Variants in PIK3CD observed in about 807,000 individuals in gnomAD.
The protein encoded by PIK3CD is phosphatidylinositol-4,5-bisphosphate 3-kinase catalytic subunit delta.
A neutral mutation model predicts 122.9 loss-of-function variants in PIK3CD; 20 were observed. That is an observed-to-expected ratio of 0.16 (90% CI 0.11 to 0.24). The LOEUF (loss-of-function observed/expected upper bound fraction) is 0.24, where lower values mean the gene tolerates loss of function less well. Among genes scored for constraint, PIK3CD ranks in the 10% least tolerant of loss-of-function variants. The pLI is 1.00. For missense variants in PIK3CD, 787 were observed against 1,406.3 expected, an observed-to-expected ratio of 0.56 and a Z score of 7.04; for synonymous variants, 596 against 593.4, an observed-to-expected ratio of 1.00 and a Z score of -0.06.
chr1:9,646,051 C>T, the PIK3CD span, among the ~76,000 whole-genome samples: 1 of 151,950 alleles, frequency 6.6e-6, no homozygotes, highest in Non-Finnish European at 1.5e-5. Context: ...GGATTACAGG[C>T]GGGAGCCACC....
At chr1:9,654,443 C>G in intron 1 of PIK3CD, 1 of 1,363,074 alleles carries the variant, frequency 7.3e-7, no homozygotes, top group South Asian at 1.1e-5. Flanking sequence ...GCATCAGCCC[C>G]TGGGGGGCTT....
chr1:9,692,023 G>A (rs1234219919), intron 2 of PIK3CD: 1 of 152,896 alleles, frequency 6.5e-6, no homozygotes, highest in Non-Finnish European at 1.5e-5. Context: ...TCAGAGAGCT[G>A]GCAGTCACTG....
the PIK3CD span, among the ~76,000 whole-genome samples, chr1:9,644,911 G>T: frequency 6.6e-6 from 1 of 152,162 alleles, no homozygotes; most frequent in African/African-American, 2.4e-5. Context: ...AGTCATTAAA[G>T]GGTGGGGCTG....
At chr1:9,712,699 G>A (rs1197971754) in intron 3 of PIK3CD, among the ~76,000 whole-genome samples, 5 of 152,186 alleles carry the variant, frequency 3.3e-5, no homozygotes. Context: ...TAAAAATTAA[G>A]TTTCTTTTTC....
intron 1 of PIK3CD, among the ~76,000 whole-genome samples, chr1:9,680,165 G>A (rs1299674093): frequency 1.3e-5 from 2 of 151,970 alleles, no homozygotes; most frequent in Admixed American, 6.6e-5. Context: ...TTGTAGAGAT[G>A]GAGTCTTGCT....
intron 3 of PIK3CD, among the ~76,000 whole-genome samples, chr1:9,711,359 T>C (rs1428985342): frequency 1.3e-5 from 2 of 152,138 alleles, no homozygotes; most frequent in African/African-American, 4.8e-5. Context: ...CCTCTTAAAG[T>C]GTTGGAATTA....
intron 1 of PIK3CD, among the ~76,000 whole-genome samples, chr1:9,684,837 C>A (rs1645904008): frequency 2.9e-5 from 4 of 138,884 alleles, no homozygotes; most frequent in Non-Finnish European, 6.2e-5. Flanking sequence ...CAGTGTGAGA[C>A]CCTGTCTCAA....
Position 9,715,756 on chromosome 1 carries a change from C to A in PIK3CD, c.357C>A (p.Leu119=). Residue 119 remains leucine, a synonymous_variant, in exon 4 of 24, where the codon CTC becomes CTA. Coordinates refer to ENST00000377346, the MANE Select transcript of PIK3CD (RefSeq NM_005026.5). The surrounding 1 kb of genome is among the most constrained non-coding windows in gnomAD (Gnocchi z 4.1). ...AGCTCATCAACTCACAGATCAGCCT[C>A]CTCATCGGCAAAGGTAGCTCTGCCG... The part of the protein sequence containing the change: ...VKKLINSQIS[L]LIGKGLHEFD... The A allele has an allele frequency of 1.2e-6, 2 of 1,613,290 alleles. No homozygotes were observed. The highest frequency in any genetic ancestry group is 1.7e-6 in the Non-Finnish European group (2 of 1,180,000).
At position 9,721,747 on chromosome 1, in the gene PIK3CD, C is replaced by CCTT. The variant is rs748807669; in HGVS notation, c.1956-12_1956-10dup. 15 of 1,612,388 alleles carry CCTT rather than the reference C, an allele frequency of 9.3e-6. No homozygotes were observed. The highest frequency in any genetic ancestry group is 1.6e-4 in the Middle Eastern group (1 of 6,072). On this transcript the variant is annotated splice_polypyrimidine_tract_variant and intron_variant, in intron 15 of 23. Coordinates refer to ENST00000377346, the MANE Select transcript of PIK3CD (RefSeq NM_005026.5). ...TGCTGCCTGGTGAGGCTCAGCCCTCCCTTCACCTTCCAGCTCCGAGATGCA... is the reference window on the plus strand; with the variant it reads ...TGCTGCCTGGTGAGGCTCAGCCCTCCCTTCTTCACCTTCCAGCTCCGAGATGCA...
the PIK3CD span, among the ~76,000 whole-genome samples, chr1:9,629,491 C>T: frequency 4.9e-4 from 65 of 131,622 alleles, no homozygotes; most frequent in Admixed American, 1.3e-3. Flanking sequence ...CGCTCAGAGG[C>T]CTAGAACAAA....
At position 9,719,583 on chromosome 1, in the gene PIK3CD, C is replaced by T. The variant is rs1648146415; in HGVS notation, c.1243-338C>T. Among the ~76,000 whole-genome samples, 1 of 151,830 alleles carries T rather than the reference C, an allele frequency of 6.6e-6. No homozygotes were observed. Among genetic ancestry groups the T allele is most frequent in the Admixed American group, 6.6e-5 (1 of 15,242 alleles). On this transcript the variant is annotated intron_variant, in intron 9 of 23. Transcript: ENST00000377346. This position sits in a 1 kb window ranked among gnomAD's most constrained non-coding sequence, Gnocchi z 5.5. ...GGCTGAGGCAGGATAATTGCTTGAA[C>T]CAAGGAGGCAGAGGTTGCAATGAGC...
At chr1:9,669,037 A>G (rs1415762386) in intron 1 of PIK3CD, among the ~76,000 whole-genome samples, 1 of 152,168 alleles carries the variant, frequency 6.6e-6, no homozygotes, top group Non-Finnish European at 1.5e-5. Context: ...AGATGACCCT[A>G]TATGCTGTTT....
At chr1:9,705,669 G>A (rs1373729086) in intron 2 of PIK3CD, among the ~76,000 whole-genome samples, 2 of 152,154 alleles carry the variant, frequency 1.3e-5, no homozygotes, top group Non-Finnish European at 2.9e-5. Flanking sequence ...AAAAGATTAA[G>A]TAACCCCACA....
intron 2 of PIK3CD, among the ~76,000 whole-genome samples, chr1:9,703,243 C>T (rs1646713537): frequency 6.6e-6 from 1 of 152,228 alleles, no homozygotes; most frequent in African/African-American, 2.4e-5. Flanking sequence ...ATCCTATAGT[C>T]AGGGAGATAA....
In PIK3CD at chr1:9,719,033, G is replaced by A; in HGVS notation, c.1242+118G>A. On this transcript the variant is annotated intron_variant, in intron 9 of 23. Transcript: ENST00000377346. The surrounding 1 kb of genome is among the most constrained non-coding windows in gnomAD (Gnocchi z 5.5). ...CGCAGCCTGGGGATGGGGGTCCTGG[G>A]ATTGCTTGTGGACCCCAGCCTCCTC... The A allele has an allele frequency of 2.0e-6, 2 of 979,576 alleles. No individual in the cohort carries two copies. Among genetic ancestry groups the A allele is most frequent in the Non-Finnish European group, 3.1e-6 (2 of 642,200 alleles). The allele number at this position is 979,576 out of a possible 1,614,324, so 60.7% of individuals were successfully genotyped here.
In PIK3CD at chr1:9,727,198, A is replaced by C. The variant is rs1002010798; in HGVS notation, c.*152A>C. The C allele has an allele frequency of 6.0e-5, 53 of 888,302 alleles. No individual in the cohort carries two copies. The African/African-American group carries it at 8.0e-4, about 13-fold the overall frequency. 55.0% of individuals were successfully genotyped at this position (888,302 alleles called of 1,614,324 possible). A position where few individuals can be genotyped will look rare whatever the true frequency, so the allele number is the denominator to read the frequency against. On this transcript the variant is annotated 3_prime_UTR_variant, in exon 24 of 24. Coordinates refer to ENST00000377346, the MANE Select transcript of PIK3CD (RefSeq NM_005026.5). The stretch of plus-strand genomic sequence containing the variant: ...TGTTTACACTGGTTATTTATTTATG[A>C]CTTGAAATAGTTTAAGGAGCTAAAC...
rs775937789 is a variant in PIK3CD at position 9,715,514 on chromosome 1, G to A, written c.142-27G>A. On this transcript the variant is annotated intron_variant, in intron 3 of 23. Coordinates refer to ENST00000377346, the MANE Select transcript of PIK3CD (RefSeq NM_005026.5). The surrounding 1 kb of genome is among the most constrained non-coding windows in gnomAD (Gnocchi z 4.1). Reference sequence around the variant, plus strand: ...CCTCCCAGTGGCTGCCTTGGGTGGAGGGGCTGACCGGTGACTGTCCCTCCA... The same window carrying A: ...CCTCCCAGTGGCTGCCTTGGGTGGAAGGGCTGACCGGTGACTGTCCCTCCA... 1 of 1,604,934 alleles carries A rather than the reference G, an allele frequency of 6.2e-7. No homozygotes were observed. The highest frequency in any genetic ancestry group is 1.3e-5 in the African/African-American group (1 of 74,900).
chr1:9,650,246 A>AC (rs1570023131), upstream of PIK3CD, among the ~76,000 whole-genome samples: 1 of 151,904 alleles, frequency 6.6e-6, no homozygotes, highest in East Asian at 1.9e-4. Flanking sequence ...ACATGGCGAA[A>AC]CCCCACCTCT....
Position 9,715,433 on chromosome 1 carries a change from G to A in PIK3CD, c.142-108G>A, listed in dbSNP as rs1404468508. The A allele has an allele frequency of 2.2e-5, 19 of 881,114 alleles. No individual in the cohort carries two copies. The highest frequency in any genetic ancestry group is 3.3e-5 in the Non-Finnish European group (18 of 546,574). 54.6% of individuals were successfully genotyped at this position (881,114 alleles called of 1,614,324 possible). ...ATCTTGGGGTCTGCCTCTGCCCTCT[G>A]GGAGGTTTGGACCCCCAGGCTGGAG... On this transcript the variant is annotated intron_variant, in intron 3 of 23. Transcript: ENST00000377346. The surrounding 1 kb of genome is among the most constrained non-coding windows in gnomAD (Gnocchi z 4.1).
Sources: allele counts gnomAD v4.1 joint callset (sites outside exome capture counted in the v4.1 genomes callset), GRCh38; gene constraint gnomAD v4.1.1; non-coding constraint Gnocchi (gnomAD v3.1); transcripts MANE v1.5; gene names NCBI Gene and HGNC (gene_info 2026-07-23, HGNC 2026-07-21).